The following CD86 variants were observed in gnomAD, a reference collection of about 807,000 sequenced individuals.
CD86 encodes CD86 molecule.
CD86 carries 11 observed loss-of-function variants against 32.1 expected under a neutral mutation model. That is an observed-to-expected ratio of 0.34 (90% CI 0.22 to 0.57). The LOEUF (loss-of-function observed/expected upper bound fraction) is 0.57, where lower values mean the gene tolerates loss of function less well. Ranked by LOEUF, CD86 falls within the 20% of genes least tolerant of loss-of-function variation. The pLI is 0.86. For synonymous variants in CD86, 137 were observed against 135.3 expected, an observed-to-expected ratio of 1.01 and a Z score of -0.09; for missense variants, 359 against 398.4, an observed-to-expected ratio of 0.90 and a Z score of 0.84.
chr3:122,096,667 C>A (rs1016528702), intron 2 of CD86, among the ~76,000 whole-genome samples: 2 of 152,102 alleles, frequency 1.3e-5, no homozygotes, highest in Non-Finnish European at 2.9e-5. Context: ...CTGCTTTTTG[C>A]AAGAGGAAAC....
intron 1 of CD86, among the ~76,000 whole-genome samples, chr3:122,073,897 G>A (rs901156280): frequency 2.0e-5 from 3 of 152,134 alleles, no homozygotes; most frequent in Admixed American, 6.5e-5. Context: ...TAATCCCACT[G>A]GTGAGCCTCA....
chr3:122,083,018 T>A (rs190643554), intron 1 of CD86, among the ~76,000 whole-genome samples: 1 of 152,200 alleles, frequency 6.6e-6, no homozygotes, highest in Non-Finnish European at 1.5e-5. Context: ...CCCATATTGA[T>A]CTATCACCAT....
intron 1 of CD86, among the ~76,000 whole-genome samples, chr3:122,065,179 A>C (rs1167219676): frequency 6.6e-6 from 1 of 152,232 alleles, no homozygotes; most frequent in Admixed American, 6.5e-5. Flanking sequence ...AGCTATGAAC[A>C]ACCATGCTAT....
chr3:122,059,135 A>T (rs1367405154), intron 1 of CD86, among the ~76,000 whole-genome samples: 2 of 152,144 alleles, frequency 1.3e-5, no homozygotes, highest in Non-Finnish European at 2.9e-5. Context: ...CAAGCAGACA[A>T]GTAGATATTT....
chr3:122,118,035 T>C lies in CD86; in HGVS notation c.848-13T>C, dbSNP rs1338856038. 9 of 1,611,676 alleles carry C rather than the reference T, an allele frequency of 5.6e-6. No homozygotes were observed. Among genetic ancestry groups the C allele is most frequent in the Non-Finnish European group, 7.6e-6 (9 of 1,178,068 alleles). On this transcript the variant is annotated splice_polypyrimidine_tract_variant and intron_variant, in intron 5 of 6. Coordinates refer to ENST00000330540, the MANE Select transcript of CD86 (RefSeq NM_175862.5). The stretch of plus-strand genomic sequence containing the variant: ...GGAATACATTTTTGAAGATTGTTCT[T>C]GGTGTCTTTCAGGAACCAACACAAT...
chr3:122,071,507 C>T lies in CD86; in HGVS notation c.14+16004C>T, dbSNP rs1014588743. On this transcript the variant is annotated intron_variant, in intron 1 of 6. Coordinates refer to ENST00000330540, the MANE Select transcript of CD86 (RefSeq NM_175862.5). ...ATAATATTCCATTGTCTGGATATAC[C>T]ACAGCTTTACCAACTGAGGGGCATC... Among the ~76,000 whole-genome samples the T allele has an allele frequency of 2.6e-5, 4 of 151,954 alleles. 1 individual carries two copies. In the South Asian group the frequency reaches 8.3e-4, roughly 32 times the overall value.
chr3:122,108,915 C>T (rs916146548), intron 4 of CD86, among the ~76,000 whole-genome samples: 4 of 152,166 alleles, frequency 2.6e-5, no homozygotes, highest in Non-Finnish European at 5.9e-5. Flanking sequence ...ATAGCAGGCA[C>T]GGCACAAATG....
At chr3:122,071,016 A>T (rs1466188341) in intron 1 of CD86, among the ~76,000 whole-genome samples, 1 of 152,206 alleles carries the variant, frequency 6.6e-6, no homozygotes, top group Non-Finnish European at 1.5e-5. Flanking sequence ...TTGAGCACAT[A>T]GTACGAGAAT....
At chr3:122,088,381 T>C (rs558338585) in intron 1 of CD86, among the ~76,000 whole-genome samples, 12 of 152,306 alleles carry the variant, frequency 7.9e-5, no homozygotes, top group African/African-American at 2.9e-4. Flanking sequence ...TTCTTATTGA[T>C]TTATAGAAGC....
intron 5 of CD86, among the ~76,000 whole-genome samples, chr3:122,112,324 T>TTG (rs2073186642): frequency 6.6e-6 from 1 of 151,990 alleles, no homozygotes; most frequent in Non-Finnish European, 1.5e-5. Flanking sequence ...AATTTTTTTT[T>TTG]TGTGTGTGTG....
chr3:122,074,311 C>G (rs1346390908), intron 1 of CD86, among the ~76,000 whole-genome samples: 2 of 152,198 alleles, frequency 1.3e-5, no homozygotes, highest in Non-Finnish European at 1.5e-5. Flanking sequence ...CAAAAGCACT[C>G]TCTTCCTCTC....
intron 1 of CD86, among the ~76,000 whole-genome samples, chr3:122,058,160 A>C (rs1157999469): frequency 6.6e-6 from 1 of 152,208 alleles, no homozygotes; most frequent in Admixed American, 6.5e-5. Flanking sequence ...AACAGAGGAA[A>C]AGTGATTTGT....
intron 6 of CD86, among the ~76,000 whole-genome samples, chr3:122,119,100 G>A (rs780901183): frequency 1.3e-5 from 2 of 151,956 alleles, no homozygotes; most frequent in Non-Finnish European, 2.9e-5. Flanking sequence ...TAATAATTCC[G>A]GGCACCCTTG....
At chr3:122,056,923 A>C (rs2072246609) in intron 1 of CD86, among the ~76,000 whole-genome samples, 1 of 152,188 alleles carries the variant, frequency 6.6e-6, no homozygotes. Context: ...GTCTATATTG[A>C]ACTTGTTAAG....
chr3:122,120,158 T>G lies in CD86; in HGVS notation c.*624T>G, dbSNP rs1407235204. The G allele has an allele frequency of 6.6e-6, 1 of 152,214 alleles. No individual in the cohort carries two copies. The highest frequency in any genetic ancestry group is 2.4e-5 in the African/African-American group (1 of 41,416). 9.4% of individuals were successfully genotyped at this position (152,214 alleles called of 1,614,324 possible). A position where few individuals can be genotyped will look rare whatever the true frequency, so the allele number is the denominator to read the frequency against. On this transcript the variant is annotated 3_prime_UTR_variant, in exon 7 of 7. Transcript: ENST00000330540. ...CGGTGGCCTAGGGTACAGGCAACAA[T>G]GAGCAGACCAACCTAAATTTGGGGA...
At chr3:122,073,330 A>G (rs2072515101) in intron 1 of CD86, among the ~76,000 whole-genome samples, 1 of 151,884 alleles carries the variant, frequency 6.6e-6, no homozygotes, top group Non-Finnish European at 1.5e-5. Context: ...GGTGAGGTAT[A>G]TGTTCAGATC....
intron 1 of CD86, among the ~76,000 whole-genome samples, chr3:122,079,764 G>A (rs1481159109): frequency 6.6e-6 from 1 of 152,158 alleles, no homozygotes; most frequent in African/African-American, 2.4e-5. Context: ...AGAAAAGTGT[G>A]TCTTCAGCAC....
Position 122,103,570 on chromosome 3 carries a change from A to C in CD86, c.123A>C (p.Gln41His), listed in dbSNP as rs763378254. ...ATGAGACTGCAGACCTGCCATGCCA[A>C]TTTGCAAACTCTCAAAACCAAAGCC... ...YFNETADLPC[Q>H]FANSQNQSLS... The change falls in exon 3 of 7, where the codon CAA becomes CAC. Residue 41 changes from glutamine to histidine, a missense_variant. Coordinates refer to ENST00000330540, the MANE Select transcript of CD86 (RefSeq NM_175862.5). 6.2e-7 allele frequency: 1 copy of C among 1,613,880 alleles called. No homozygotes were observed. The highest frequency in any genetic ancestry group is 2.2e-5 in the East Asian group (1 of 44,872).
intron 3 of CD86, among the ~76,000 whole-genome samples, chr3:122,104,851 T>A (rs961977250): frequency 6.6e-6 from 1 of 152,200 alleles, no homozygotes; most frequent in Non-Finnish European, 1.5e-5. Context: ...TGTTTCTGGT[T>A]TGGGGCTCTT....
Sources: gnomAD v4.1 joint callset for allele counts (sites outside exome capture counted in the v4.1 genomes callset) on GRCh38, gnomAD v4.1.1 for gene constraint, MANE v1.5 for transcripts, NCBI Gene and HGNC (gene_info 2026-07-23, HGNC 2026-07-21) for gene names.